ARHGAP24: variants seen among roughly 807,000 people sequenced by gnomAD.
The protein encoded by ARHGAP24 is Rho GTPase activating protein 24.
ARHGAP24 carries 50 observed loss-of-function variants against 76.4 expected under a neutral mutation model. The ratio of observed to expected loss-of-function variants is 0.65; its 90% CI spans 0.52 to 0.83. ARHGAP24 has a LOEUF of 0.83. ARHGAP24 is among the 40% of genes least tolerant of loss of function. ARHGAP24 has a pLI of 0.00. For synonymous variants in ARHGAP24, 345 were observed against 323.3 expected, an observed-to-expected ratio of 1.07 and a Z score of -0.72; for missense variants, 930 against 914.2, an observed-to-expected ratio of 1.02 and a Z score of -0.22.
intron 3 of ARHGAP24, among the ~76,000 whole-genome samples, chr4:85,818,948 A>T (rs1167319975): frequency 1.3e-5 from 2 of 152,128 alleles, no homozygotes; most frequent in East Asian, 3.9e-4. Context: ...TTCACAACAG[A>T]TTGCCGTTAT....
chr4:85,671,788 T>A (rs1457814269), intron 2 of ARHGAP24, among the ~76,000 whole-genome samples: 2 of 152,204 alleles, frequency 1.3e-5, no homozygotes, highest in East Asian at 3.8e-4. Flanking sequence ...TAAAAATGGA[T>A]ACCTCTTAAT....
rs112924335 is a variant in ARHGAP24 at position 85,889,020 on chromosome 4, T to C, written c.269-34628T>C. 7.6e-3 allele frequency among the ~76,000 whole-genome samples: 1,151 copies of C among 152,292 alleles called. 7 individuals carry two copies. The highest frequency in any genetic ancestry group is 0.026 in the African/African-American group (1,092 of 41,542). ...TGTATCACATTTTCTTTATCTAGTC[T>C]ATTATTTGATGGGCATTTAGCTTGA... is the stretch of plus-strand genomic sequence containing the variant. On this transcript the variant is annotated intron_variant, in intron 3 of 9. Transcript: ENST00000395184.
chr4:85,815,240 G>A (rs1469358666), intron 3 of ARHGAP24, among the ~76,000 whole-genome samples: 1 of 151,966 alleles, frequency 6.6e-6, no homozygotes, highest in African/African-American at 2.4e-5. Context: ...CATTTTTTTT[G>A]GAAATAACAT....
At chr4:85,602,354 G>A (rs1173924661) in intron 2 of ARHGAP24, among the ~76,000 whole-genome samples, 2 of 152,190 alleles carry the variant, frequency 1.3e-5, no homozygotes, top group Non-Finnish European at 2.9e-5. Flanking sequence ...TGGCAGTTGA[G>A]AGAAGGTGAT....
intron 8 of ARHGAP24, among the ~76,000 whole-genome samples, chr4:85,978,365 C>T (rs1578459371): frequency 6.6e-6 from 1 of 152,038 alleles, no homozygotes; most frequent in Non-Finnish European, 1.5e-5. Context: ...CAAAATGTCC[C>T]CCTCAGTCAC....
At chr4:85,800,118 A>C (rs1382523535) in intron 3 of ARHGAP24, among the ~76,000 whole-genome samples, 2 of 152,228 alleles carry the variant, frequency 1.3e-5, no homozygotes, top group Non-Finnish European at 2.9e-5. Context: ...TACTGTACCA[A>C]AATTAATTGC....
chr4:85,886,014 C>T (rs2148773414), intron 3 of ARHGAP24, among the ~76,000 whole-genome samples: 1 of 152,264 alleles, frequency 6.6e-6, no homozygotes, highest in East Asian at 1.9e-4. Flanking sequence ...AAAGTCACAA[C>T]ATTGCTATTC....
intron 3 of ARHGAP24, among the ~76,000 whole-genome samples, chr4:85,891,336 T>C (rs1202243435): frequency 7.1e-6 from 1 of 141,410 alleles, no homozygotes; most frequent in African/African-American, 2.7e-5. Context: ...CTTTTCCTAA[T>C]TGAATACCCT....
At chr4:85,871,801 G>C (rs922576693) in intron 3 of ARHGAP24, among the ~76,000 whole-genome samples, 1 of 152,124 alleles carries the variant, frequency 6.6e-6, no homozygotes, top group Non-Finnish European at 1.5e-5. Context: ...GGACAAAGCA[G>C]TGATGGCACA....
chr4:85,684,177 CTG>C (rs1008067416), intron 2 of ARHGAP24, among the ~76,000 whole-genome samples: 30 of 152,116 alleles, frequency 2.0e-4, no homozygotes, highest in African/African-American at 6.5e-4. Context: ...AAGCTAAAAA[CTG>C]TTTTCTATAA....
chr4:85,713,335 C>T, intron 2 of ARHGAP24, among the ~76,000 whole-genome samples: 1 of 151,954 alleles, frequency 6.6e-6, no homozygotes, highest in East Asian at 1.9e-4. Flanking sequence ...TTAATAAAAA[C>T]ATATTTCTAT....
chr4:85,919,960 T>C (rs552143130), intron 3 of ARHGAP24, among the ~76,000 whole-genome samples: 7 of 152,230 alleles, frequency 4.6e-5, no homozygotes, highest in Non-Finnish European at 7.3e-5. Context: ...ATTTAGTTAC[T>C]TCTGCCACTT....
chr4:85,795,887 A>G (rs1728320640), intron 3 of ARHGAP24, among the ~76,000 whole-genome samples: 1 of 152,146 alleles, frequency 6.6e-6, no homozygotes, highest in Non-Finnish European at 1.5e-5. Context: ...TCATTCACAC[A>G]TGCTCAACTT....
intron 4 of ARHGAP24, among the ~76,000 whole-genome samples, chr4:85,938,848 C>T (rs559122227): frequency 5.3e-5 from 8 of 151,788 alleles, no homozygotes; most frequent in African/African-American, 1.4e-4. Flanking sequence ...TTTCTGACCT[C>T]CCCCAATTCC....
At chr4:85,825,769 T>C (rs967514305) in intron 3 of ARHGAP24, among the ~76,000 whole-genome samples, 1 of 152,362 alleles carries the variant, frequency 6.6e-6, no homozygotes, top group East Asian at 1.9e-4. Context: ...AAAGTTAACT[T>C]TCCTAGTCAA....
At position 85,694,380 on chromosome 4, in the gene ARHGAP24, C is replaced by T. The variant is rs116313787; in HGVS notation, c.181-27505C>T. On this transcript the variant is annotated intron_variant, in intron 2 of 9. Transcript: ENST00000395184. ...GAATCAGTCTGCCACTGGCATATAT[C>T]AAAAATTCACTCATCAGCCAAACGT... Among the ~76,000 whole-genome samples the T allele has an allele frequency of 5.3e-3, 801 of 152,152 alleles. 6 individuals carry two copies. The highest frequency in any genetic ancestry group is 0.018 in the African/African-American group (757 of 41,492).
intron 1 of ARHGAP24, among the ~76,000 whole-genome samples, chr4:85,559,479 C>T (rs1726513078): frequency 6.6e-6 from 1 of 152,206 alleles, no homozygotes; most frequent in Non-Finnish European, 1.5e-5. Context: ...TCATGTTATA[C>T]AATAGACCTC....
chr4:85,772,580 G>T (rs1332797034), intron 3 of ARHGAP24, among the ~76,000 whole-genome samples: 2 of 152,150 alleles, frequency 1.3e-5, no homozygotes, highest in African/African-American at 2.4e-5. Context: ...CTGCCAAGTT[G>T]ACTTTCATTC....
intron 2 of ARHGAP24, among the ~76,000 whole-genome samples, chr4:85,637,007 A>G (rs1721332022): frequency 6.6e-6 from 1 of 152,096 alleles, no homozygotes; most frequent in Non-Finnish European, 1.5e-5. Context: ...GCATTCATGG[A>G]TATATAATCA....
Sources: gnomAD v4.1 joint callset for allele counts (sites outside exome capture counted in the v4.1 genomes callset) on GRCh38, gnomAD v4.1.1 for gene constraint, MANE v1.5 for transcripts, NCBI Gene and HGNC (gene_info 2026-07-23, HGNC 2026-07-21) for gene names.